The following STPG2 variants were observed in gnomAD, a reference collection of about 807,000 sequenced individuals.
STPG2 encodes the protein sperm tail PG-rich repeat containing 2.
Under a neutral mutation model 54.2 loss-of-function variants are expected in STPG2, and 56 were observed. That is an observed-to-expected ratio of 1.03 (90% CI 0.83 to 1.29). The LOEUF (loss-of-function observed/expected upper bound fraction) is 1.29. STPG2 is among the 50% of genes most tolerant of loss of function. The pLI, the probability that STPG2 is intolerant of heterozygous loss-of-function variation, is 0.00. For missense variants in STPG2, 596 were observed against 544.9 expected (o/e 1.09, Z -0.93); for synonymous variants, 200 against 181.8 (o/e 1.10, Z -0.81).
chr4:98,032,064 A>T (rs1305903259), intron 5 of STPG2, among the ~76,000 whole-genome samples: 1 of 152,190 alleles, frequency 6.6e-6, no homozygotes, highest in Non-Finnish European at 1.5e-5. Context: ...ATCAAAAAAT[A>T]ATAGATGTTA....
At chr4:97,800,285 G>C (rs1041763494) in intron 9 of STPG2, among the ~76,000 whole-genome samples, 5 of 152,172 alleles carry the variant, frequency 3.3e-5, no homozygotes, top group African/African-American at 1.2e-4. Context: ...CAGTTTCTCT[G>C]CTCTGTTTTT....
intron 10 of STPG2, among the ~76,000 whole-genome samples, chr4:97,582,759 C>A (rs1489466349): frequency 6.6e-6 from 1 of 151,886 alleles, no homozygotes; most frequent in East Asian, 1.9e-4. Context: ...CAGTAGTAAT[C>A]CTAAAAGCTA....
At chr4:97,991,885 T>A (rs546918648) in intron 5 of STPG2, among the ~76,000 whole-genome samples, 62 of 152,348 alleles carry the variant, frequency 4.1e-4, no homozygotes, top group Non-Finnish European at 7.4e-5. Flanking sequence ...CATATGTTTG[T>A]TGGCCCTTTG....
At chr4:98,052,854 G>C (rs776964098) in intron 5 of STPG2, among the ~76,000 whole-genome samples, 1 of 152,154 alleles carries the variant, frequency 6.6e-6, no homozygotes, top group Non-Finnish European at 1.5e-5. Flanking sequence ...TTAAAAGATA[G>C]CTAGTAACAA....
At chr4:97,680,574 AACAGGG>A (rs1723001678) in intron 10 of STPG2, among the ~76,000 whole-genome samples, 1 of 152,126 alleles carries the variant, frequency 6.6e-6, no homozygotes, top group Non-Finnish European at 1.5e-5. Context: ...GTCATCTGCA[AACAGGG>A]ACAATTAGAC....
chr4:97,857,709 C>G lies in STPG2; in HGVS notation c.1045-16777G>C, dbSNP rs553484465. On this transcript the variant is annotated intron_variant, in intron 8 of 10. Coordinates refer to ENST00000295268, the MANE Select transcript of STPG2 (RefSeq NM_174952.3). ...ATAAACAAAACAAGGCACAAGAGAC[C>G]AATCCCGGAAAAACAGAGATATATG... Among the ~76,000 whole-genome samples, 3 of 151,898 alleles carry G rather than the reference C, an allele frequency of 2.0e-5. No homozygotes were observed. The East Asian group carries it at 5.8e-4, about 29-fold the overall frequency.
intron 7 of STPG2, among the ~76,000 whole-genome samples, chr4:97,950,418 C>T (rs968077535): frequency 1.3e-5 from 2 of 152,140 alleles, no homozygotes; most frequent in African/African-American, 4.8e-5. Context: ...TTGTAATTCC[C>T]TAAATGTGTC....
chr4:97,807,984 A>G (rs915645628), intron 9 of STPG2, among the ~76,000 whole-genome samples: 3 of 151,914 alleles, frequency 2.0e-5, no homozygotes, highest in African/African-American at 4.8e-5. Flanking sequence ...GAAACAATGG[A>G]AGCCAAATAT....
intron 10 of STPG2, among the ~76,000 whole-genome samples, chr4:97,617,199 G>T (rs1733897030): frequency 6.6e-6 from 1 of 151,484 alleles, no homozygotes; most frequent in Non-Finnish European, 1.5e-5. Flanking sequence ...TGTCTGTTTT[G>T]TTTAAAGCTG....
At chr4:97,962,102 C>G (rs1013660705) in intron 7 of STPG2, among the ~76,000 whole-genome samples, 4 of 152,118 alleles carry the variant, frequency 2.6e-5, no homozygotes, top group African/African-American at 7.2e-5. Flanking sequence ...CGAAGTAACT[C>G]AGGAATGGAA....
At chr4:97,522,902 A>C (rs1731210993) in intron 4 of STPG2, among the ~76,000 whole-genome samples, 2 of 151,966 alleles carry the variant, frequency 1.3e-5, no homozygotes, top group African/African-American at 4.8e-5. Context: ...GAGAATAATC[A>C]TTCATAAGTC....
At chr4:97,576,989 A>C (rs1186744764) in intron 10 of STPG2, among the ~76,000 whole-genome samples, 1 of 152,212 alleles carries the variant, frequency 6.6e-6, no homozygotes, top group Non-Finnish European at 1.5e-5. Context: ...CATATGAAAA[A>C]TGCTCATCAT....
chr4:97,534,659 C>A (rs534362739), intron 4 of STPG2, among the ~76,000 whole-genome samples: 13 of 152,134 alleles, frequency 8.5e-5, no homozygotes, highest in Admixed American at 4.6e-4. Flanking sequence ...TTAAACTTTA[C>A]CCTTTATACA....
Position 98,134,434 on chromosome 4 carries a change from C to A in STPG2, c.135G>T (p.Leu45Phe). 6.3e-7 allele frequency: 1 copy of A among 1,582,376 alleles called. No homozygotes were observed. The highest frequency in any genetic ancestry group is 1.2e-5 in the South Asian group (1 of 86,640). Residue 45 changes from leucine (L) to phenylalanine (F), a missense_variant, in exon 2 of 11, where the codon TTG (leucine) becomes TTT (phenylalanine). Leu to Phe is a conservative substitution (Grantham distance 22, BLOSUM62 0). Coordinates refer to ENST00000295268, the MANE Select transcript of STPG2 (RefSeq NM_174952.3). ...TGGTAAAAGTACTTTCTCTGGCAGT[C>A]AAAGAAAGAAATGGTGCATTACTAC... is the stretch of plus-strand genomic sequence containing the variant. Reference protein sequence around the residue: ...ATGSNAPFLSLTARESTFTIA... With the variant: ...ATGSNAPFLSFTARESTFTIA...
intron 4 of STPG2, among the ~76,000 whole-genome samples, chr4:97,491,657 A>C (rs911238961): frequency 2.6e-5 from 4 of 151,618 alleles, no homozygotes; most frequent in African/African-American, 9.7e-5. Flanking sequence ...AGACTTAAGA[A>C]GGCATGATGC....
At chr4:97,679,391 T>C (rs908111229) in intron 10 of STPG2, among the ~76,000 whole-genome samples, 6 of 152,164 alleles carry the variant, frequency 3.9e-5, no homozygotes, top group African/African-American at 1.4e-4. Flanking sequence ...GGTGAGCAAT[T>C]TTTCATGTGT....
intron 4 of STPG2, among the ~76,000 whole-genome samples, chr4:97,505,874 T>A (rs544805281): frequency 6.6e-6 from 1 of 151,800 alleles, no homozygotes; most frequent in East Asian, 1.9e-4. Flanking sequence ...TTATTTATTA[T>A]GGATATTTAG....
At chr4:98,100,662 CTTTTTTT>C (rs1166820709) in intron 5 of STPG2, among the ~76,000 whole-genome samples, 12 of 116,798 alleles carry the variant, frequency 1.0e-4, no homozygotes, top group Admixed American at 2.9e-4. Flanking sequence ...CTTTTTCTTT[CTTTTTTT>C]TTTTTTTTTT....
intron 4 of STPG2, among the ~76,000 whole-genome samples, chr4:97,458,182 T>C (rs1476981010): frequency 6.6e-6 from 1 of 152,212 alleles, no homozygotes; most frequent in African/African-American, 2.4e-5. Flanking sequence ...ATTGAAACCA[T>C]GTTCAAATTG....
Sources: gnomAD v4.1 joint callset for allele counts (sites outside exome capture counted in the v4.1 genomes callset) on GRCh38, gnomAD v4.1.1 for gene constraint, MANE v1.5 for transcripts, NCBI Gene and HGNC (gene_info 2026-07-23, HGNC 2026-07-21) for gene names.